Variants in UBE2V1 observed in about 807,000 individuals in gnomAD.
The protein encoded by UBE2V1 is ubiquitin conjugating enzyme E2 V1.
A neutral mutation model predicts 19.6 loss-of-function variants in UBE2V1; 15 were observed. The observed-to-expected ratio is 0.77, with a 90% CI of 0.51 to 1.18. UBE2V1 has a LOEUF of 1.18. Among genes scored for constraint, UBE2V1 ranks in the 50% most tolerant of loss-of-function variants. The probability of loss-of-function intolerance (pLI) is 0.00; values close to 1 mark genes in which losing one functional copy is unlikely to be tolerated. For synonymous variants in UBE2V1, 60 were observed against 60.7 expected, an observed-to-expected ratio of 0.99 and a Z score of 0.05; for missense variants, 125 against 184.8, an observed-to-expected ratio of 0.68 and a Z score of 1.88.
At chr20:50,091,299 G>A (rs1479954939) in intron 2 of UBE2V1, among the ~76,000 whole-genome samples, 1 of 151,798 alleles carries the variant, frequency 6.6e-6, no homozygotes, top group Non-Finnish European at 1.5e-5. Flanking sequence ...ACCTGCCTCG[G>A]CCTCCCAAAG....
intron 3 of UBE2V1, 167 bp downstream of exon 3, chr20:50,083,962 T>C (rs1387684109): frequency 2.8e-5 from 30 of 1,070,664 alleles, no homozygotes; most frequent in Admixed American, 1.6e-4. Flanking sequence ...CCAGATATAA[T>C]TGGGAAACAG....
chr20:50,094,563 G>C (rs1451463158), intron 2 of UBE2V1, among the ~76,000 whole-genome samples: 2 of 151,952 alleles, frequency 1.3e-5, no homozygotes, highest in East Asian at 3.9e-4. Context: ...TAAAAGTATT[G>C]ATAGATGCTA....
chr20:50,115,839 A>G (rs1194806342), upstream of UBE2V1: 3 of 336,914 alleles, frequency 8.9e-6, no homozygotes, highest in East Asian at 4.7e-5. Context: ...CCTTTTATCT[A>G]TGGTGCCCGT....
At chr20:50,085,570 C>T (rs904377415) in intron 2 of UBE2V1, among the ~76,000 whole-genome samples, 8 of 152,276 alleles carry the variant, frequency 5.3e-5, no homozygotes, top group African/African-American at 9.6e-5. Flanking sequence ...GTACCCTCTC[C>T]GGCATCCGTG....
At chr20:50,115,649 C>A, upstream of UBE2V1, 1 of 1,322,900 alleles carries the variant, frequency 7.6e-7, no homozygotes, top group Non-Finnish European at 9.8e-7. Flanking sequence ...TTTCCTAAAA[C>A]CCCTTGGGCA....
chr20:50,095,993 A>T (rs1455328259), intron 2 of UBE2V1: 1 of 152,336 alleles, frequency 6.6e-6, no homozygotes, highest in South Asian at 2.1e-4. Flanking sequence ...AATGGAATGC[A>T]ATTGCACCTA....
chr20:50,110,622 G>C (rs906530037), intron 1 of UBE2V1, among the ~76,000 whole-genome samples: 2 of 152,172 alleles, frequency 1.3e-5, no homozygotes, highest in African/African-American at 4.8e-5. Context: ...TCACTGCCTA[G>C]GGACGAAGGT....
At chr20:50,102,174 T>C (rs1422476553) in intron 1 of UBE2V1, among the ~76,000 whole-genome samples, 1 of 152,104 alleles carries the variant, frequency 6.6e-6, no homozygotes, top group Non-Finnish European at 1.5e-5. Context: ...GCCTGCGTGA[T>C]GGGAAGTAGA....
chr20:50,111,914 G>A (rs540335000), intron 1 of UBE2V1, among the ~76,000 whole-genome samples: 1 of 152,284 alleles, frequency 6.6e-6, no homozygotes, highest in East Asian at 1.9e-4. Flanking sequence ...CTCCATCAGA[G>A]AGGTAACCCA....
rs2078690186 is a variant in UBE2V1 at position 50,082,627 on chromosome 20, T to G, written c.*141A>C. ...TAGTATCATTTACAGTATCTTAAGA[T>G]AAATTTCCTTTGAATGGGAGCTTCC... On this transcript the variant is annotated 3_prime_UTR_variant, in exon 4 of 4. Transcript: ENST00000371674. The G allele has an allele frequency of 7.1e-7, 1 of 1,409,122 alleles. No individual in the cohort carries two copies. The highest frequency in any genetic ancestry group is 2.8e-5 in the Admixed American group (1 of 35,972). 87.3% of individuals were successfully genotyped at this position (1,409,122 alleles called of 1,614,324 possible). A position where few individuals can be genotyped will look rare whatever the true frequency, so the allele number is the denominator to read the frequency against.
rs544624018 is a variant in UBE2V1, at chr20:50,084,139, G to C, written c.287C>G (p.Ser96Cys). 11 of 1,594,546 alleles carry C rather than the reference G, an allele frequency of 6.9e-6. No homozygotes were observed. Among genetic ancestry groups the C allele is most frequent in the Non-Finnish European group, 6.8e-6 (8 of 1,173,010 alleles). The change falls in exon 3 of 4, where the codon TCT (serine) becomes TGT (cysteine). Residue 96 changes from serine to cysteine, a missense_variant. Coordinates refer to ENST00000371674, the MANE Select transcript of UBE2V1 (RefSeq NM_001032288.3). ...TKINMNGVNSSNGVVDPRAIS... is the reference protein window; with the variant it reads ...TKINMNGVNSCNGVVDPRAIS... ...GAGAAAACAACTTACCACTCCATTA[G>C]AACTATTTACTCCATTCATATTAAT...
chr20:50,097,205 A>G (rs959677027), intron 1 of UBE2V1, among the ~76,000 whole-genome samples: 1 of 152,220 alleles, frequency 6.6e-6, no homozygotes, highest in African/African-American at 2.4e-5. Context: ...CAAGAGGCTA[A>G]GACTACGCTT....
upstream of UBE2V1, chr20:50,113,238 C>A (rs1332892444): frequency 9.9e-5 from 87 of 874,674 alleles, no homozygotes; most frequent in Non-Finnish European, 1.2e-4. Context: ...CGCTGACGCC[C>A]GCCCCGGAGA....
chr20:50,094,295 A>AATGCATTATATAATATATAATGC (rs1388432601), intron 2 of UBE2V1, among the ~76,000 whole-genome samples: 1 of 139,820 alleles, frequency 7.2e-6, no homozygotes, highest in African/African-American at 2.7e-5. Context: ...TATAATATAT[A>AATGCATTATATAATATATAATGC]ATTATATATA....
At chr20:50,099,894 C>G (rs951878054) in intron 1 of UBE2V1, among the ~76,000 whole-genome samples, 1 of 152,048 alleles carries the variant, frequency 6.6e-6, no homozygotes, top group Non-Finnish European at 1.5e-5. Context: ...GCCAGGAGTT[C>G]GAGATCAGCC....
chr20:50,083,886 A>T (rs910530575), intron 3 of UBE2V1: 1 of 349,528 alleles, frequency 2.9e-6, no homozygotes, highest in African/African-American at 2.1e-5. Flanking sequence ...TGGCATGAGG[A>T]AAGAGCTCAT....
intron 2 of UBE2V1, among the ~76,000 whole-genome samples, chr20:50,091,766 A>G (rs2079245804): frequency 6.6e-6 from 1 of 152,210 alleles, no homozygotes. Context: ...TAGGTGAAAA[A>G]AAATTAAGTT....
At chr20:50,102,269 A>G (rs533584557) in intron 1 of UBE2V1, among the ~76,000 whole-genome samples, 1 of 152,340 alleles carries the variant, frequency 6.6e-6, no homozygotes, top group South Asian at 2.1e-4. Context: ...CAACAACAAC[A>G]AAAAACAAAA....
intron 1 of UBE2V1, among the ~76,000 whole-genome samples, chr20:50,101,571 CAAAAAAA>C (rs11481618): frequency 3.7e-4 from 26 of 71,188 alleles, no homozygotes; most frequent in East Asian, 2.4e-3. Context: ...CATTTATAAG[CAAAAAAA>C]AAAAAAAAAA....
Sources: gnomAD v4.1 joint callset for allele counts (sites outside exome capture counted in the v4.1 genomes callset) on GRCh38, gnomAD v4.1.1 for gene constraint, MANE v1.5 for transcripts, NCBI Gene and HGNC (gene_info 2026-07-23, HGNC 2026-07-21) for gene names.